ZNF488: variants seen among roughly 807,000 people sequenced by gnomAD.
ZNF488 encodes the protein zinc finger protein 488.
ZNF488 carries 1 observed loss-of-function variant against 1.2 expected under a neutral mutation model. The observed-to-expected ratio is 0.86, with a 90% CI of 0.30 to 4.07. The LOEUF (loss-of-function observed/expected upper bound fraction) is 4.07, where lower values mean the gene tolerates loss of function less well. ZNF488 is among the 30% of genes most tolerant of loss of function. ZNF488 has a pLI of 0.18. For missense variants in ZNF488, 450 were observed against 437.9 expected (o/e 1.03, Z -0.25); for synonymous variants, 185 against 190.1 (o/e 0.97, Z 0.22).
At chr10:47,378,126 A>G (rs1433861456) in intron 1 of ZNF488, among the ~76,000 whole-genome samples, 4 of 151,718 alleles carry the variant, frequency 2.6e-5, no homozygotes, top group Non-Finnish European at 5.9e-5. Context: ...AGAAGTGCTC[A>G]CTCTTGGTTC....
rs55901237 is a variant in ZNF488 at position 47,377,671 on chromosome 10, TCACACACACACA to T, written c.-109+6537_-109+6548del. Among the ~76,000 whole-genome samples the T allele has an allele frequency of 8.1e-3, 846 of 105,028 alleles. 14 individuals carry two copies. The highest frequency in any genetic ancestry group is 0.043 in the Middle Eastern group (9 of 210). The allele number at this position is 105,028 out of a possible 152,430, so 68.9% of individuals were successfully genotyped here. On this transcript the variant is annotated intron_variant, in intron 1 of 1. Coordinates refer to ENST00000585316, the MANE Select transcript of ZNF488 (RefSeq NM_153034.4). ...CACCCAGAGGAGCCAGCAATAACAA[TCACACACACACA>T]CACACACACACACACACACACACAC...
intron 1 of ZNF488, among the ~76,000 whole-genome samples, chr10:47,383,341 AG>A (rs1468382072): frequency 2.0e-5 from 3 of 152,180 alleles, no homozygotes; most frequent in African/African-American, 7.2e-5. Context: ...TCTTATTTCC[AG>A]GCTCCCTCAA....
chr10:47,378,562 A>T (rs1555214708), intron 1 of ZNF488, among the ~76,000 whole-genome samples: 1 of 152,192 alleles, frequency 6.6e-6, no homozygotes, highest in African/African-American at 2.4e-5. Context: ...GCCTGGGCCA[A>T]ATCAGCTTCT....
At chr10:47,378,787 G>A (rs991707690) in intron 1 of ZNF488, among the ~76,000 whole-genome samples, 1 of 152,110 alleles carries the variant, frequency 6.6e-6, no homozygotes, top group African/African-American at 2.4e-5. Context: ...TCGCCACCCC[G>A]CCTTGCCCTG....
At position 47,368,390 on chromosome 10, in the gene ZNF488, A is replaced by C; in HGVS notation, c.440T>G (p.Val147Gly). 6.2e-7 allele frequency: 1 copy of C among 1,614,088 alleles called. No individual in the cohort carries two copies. The highest frequency in any genetic ancestry group is 8.5e-7 in the Non-Finnish European group (1 of 1,180,016). Reference protein sequence around the residue: ...NIPRGPAGSKVFSVWPSGARS... With the variant: ...NIPRGPAGSKGFSVWPSGARS... ...TGCTCCGCTGGGCCACACAGAGAAG[A>C]CTTTGCTGCCAGCTGGGCCTCTGGG... is the stretch of plus-strand genomic sequence containing the variant. The change falls in exon 2 of 2, where the codon GTC (valine) becomes GGC (glycine). Residue 147 changes from valine to glycine, a missense_variant. Coordinates refer to ENST00000585316, the MANE Select transcript of ZNF488 (RefSeq NM_153034.4).
At chr10:47,381,262 C>T (rs1044382785) in intron 1 of ZNF488, among the ~76,000 whole-genome samples, 1 of 152,178 alleles carries the variant, frequency 6.6e-6, no homozygotes, top group Non-Finnish European at 1.5e-5. Context: ...CAGTGCTTTG[C>T]TGCATCTGCT....
Position 47,368,057 on chromosome 10 carries a change from G to C in ZNF488, c.773C>G (p.Ser258Trp). ...GAGGGTGGGTGGCAGGAGGGCCCACGAAGTGGTGGAGGATGATGAGGGTGG... is the reference window on the plus strand; with the variant it reads ...GAGGGTGGGTGGCAGGAGGGCCCACCAAGTGGTGGAGGATGATGAGGGTGG... ...VPPPSSSSTT[S>W]WALLPPTLTS... Residue 258 changes from serine (S) to tryptophan (W), a missense_variant, in exon 2 of 2, where the codon TCG becomes TGG. Transcript: ENST00000585316. 1 of 1,614,110 alleles carries C rather than the reference G, an allele frequency of 6.2e-7. No individual in the cohort carries two copies. Among genetic ancestry groups the C allele is most frequent in the Non-Finnish European group, 8.5e-7 (1 of 1,179,994 alleles).
intron 1 of ZNF488, among the ~76,000 whole-genome samples, chr10:47,369,517 C>A (rs75146310): frequency 1.3e-5 from 2 of 152,080 alleles, no homozygotes; most frequent in African/African-American, 4.8e-5. Context: ...CTCTCTGTCC[C>A]GACCCTAATT....
chr10:47,373,307 G>A (rs1013142203), intron 1 of ZNF488, among the ~76,000 whole-genome samples: 22 of 152,126 alleles, frequency 1.4e-4, no homozygotes, highest in African/African-American at 4.8e-4. Flanking sequence ...CAGAGAGCAC[G>A]GCACTGTATT....
chr10:47,370,810 G>GCA (rs368723571), intron 1 of ZNF488, among the ~76,000 whole-genome samples: 167 of 152,086 alleles, frequency 1.1e-3, no homozygotes, highest in African/African-American at 2.9e-3. Flanking sequence ...CCTATTCTAT[G>GCA]CACACACACA....
Position 47,368,897 on chromosome 10 carries a change from C to G in ZNF488, c.-68G>C, listed in dbSNP as rs575853107. ...AGCAAGGAGCCATGAGATATGGAAG[C>G]TCCCCATGACACTGGGCTGGACACA... On this transcript the variant is annotated 5_prime_UTR_variant, in exon 2 of 2. Transcript: ENST00000585316. 97 of 1,513,894 alleles carry G rather than the reference C, an allele frequency of 6.4e-5. No individual in the cohort carries two copies. In the East Asian group the frequency reaches 9.5e-4, roughly 15 times the overall value. 93.8% of individuals were successfully genotyped at this position (1,513,894 alleles called of 1,614,324 possible).
chr10:47,366,333 AG>A lies in ZNF488; in HGVS notation c.*1473del, dbSNP rs1271372330. On this transcript the variant is annotated 3_prime_UTR_variant, in exon 2 of 2. Transcript: ENST00000585316. The stretch of plus-strand genomic sequence containing the variant: ...AATGGATGCGTGCATGGTGAGAGGC[AG>A]GAATGGAGGGAGCGAGGACATCAGA... 1.2e-5 allele frequency: 2 copies of A among 167,370 alleles called. No individual in the cohort carries two copies. The highest frequency in any genetic ancestry group is 4.8e-5 in the African/African-American group (2 of 41,438). 10.4% of individuals were successfully genotyped at this position (167,370 alleles called of 1,614,324 possible).
At chr10:47,370,494 G>A (rs1176410426) in intron 1 of ZNF488, among the ~76,000 whole-genome samples, 4 of 152,188 alleles carry the variant, frequency 2.6e-5, no homozygotes, top group African/African-American at 7.2e-5. Context: ...CTTAAGGGTG[G>A]AGGTCACACA....
At chr10:47,378,023 G>A (rs1301120826) in intron 1 of ZNF488, among the ~76,000 whole-genome samples, 1 of 152,050 alleles carries the variant, frequency 6.6e-6, no homozygotes, top group African/African-American at 2.4e-5. Flanking sequence ...GGGTCTGGCT[G>A]TGCCTGGCCC....
chr10:47,368,461 A>G lies in ZNF488; in HGVS notation c.369T>C (p.Asp123=). The part of the protein sequence containing the change: ...VDAQAQEREH[D]DPTGQPGAPQ... ...GGGCACCAGGTTGGCCTGTGGGGTC[A>G]TCGTGCTCCCTCTCCTGGGCCTGAG... The change falls in exon 2 of 2, where the codon GAT becomes GAC. Residue 123 remains aspartate, a synonymous_variant. Coordinates refer to ENST00000585316, the MANE Select transcript of ZNF488 (RefSeq NM_153034.4). 1 of 1,613,972 alleles carries G rather than the reference A, an allele frequency of 6.2e-7. No individual in the cohort carries two copies. Among genetic ancestry groups the G allele is most frequent in the South Asian group, 1.1e-5 (1 of 91,072 alleles).
At chr10:47,369,826 C>T (rs1837399057) in intron 1 of ZNF488, among the ~76,000 whole-genome samples, 1 of 152,210 alleles carries the variant, frequency 6.6e-6, no homozygotes, top group South Asian at 2.1e-4. Flanking sequence ...GTCCTGGGCA[C>T]CAAAGGCCTG....
At chr10:47,374,586 C>T (rs1555214205) in intron 1 of ZNF488, among the ~76,000 whole-genome samples, 1 of 152,134 alleles carries the variant, frequency 6.6e-6, no homozygotes, top group Non-Finnish European at 1.5e-5. Context: ...TATCATGCAG[C>T]TCATTAAATC....
intron 1 of ZNF488, among the ~76,000 whole-genome samples, chr10:47,374,024 C>G (rs924582988): frequency 2.8e-4 from 43 of 152,176 alleles, no homozygotes; most frequent in African/African-American, 1.0e-3. Flanking sequence ...GGAAAGCTTG[C>G]TGGTTAAGAC....
At chr10:47,374,923 G>C (rs1012085718) in intron 1 of ZNF488, among the ~76,000 whole-genome samples, 4 of 152,226 alleles carry the variant, frequency 2.6e-5, no homozygotes, top group African/African-American at 9.6e-5. Context: ...GGGAAACATG[G>C]ATTTAGCTTC....
Sources: gnomAD v4.1 joint callset for allele counts (sites outside exome capture counted in the v4.1 genomes callset) on GRCh38, gnomAD v4.1.1 for gene constraint, MANE v1.5 for transcripts, NCBI Gene and HGNC (gene_info 2026-07-23, HGNC 2026-07-21) for gene names.